The following CAMTA1 variants were observed in gnomAD, a reference collection of about 807,000 sequenced individuals.
The protein encoded by CAMTA1 is calmodulin binding transcription activator 1.
A neutral mutation model predicts 170.9 loss-of-function variants in CAMTA1; 27 were observed. The ratio of observed to expected loss-of-function variants is 0.16; its 90% CI spans 0.12 to 0.22. CAMTA1 has a LOEUF of 0.22. CAMTA1 is among the 10% of genes least tolerant of loss of function. CAMTA1 has a pLI of 1.00. For missense variants in CAMTA1, 1,619 were observed against 2,217.2 expected, an observed-to-expected ratio of 0.73 and a Z score of 5.42; for synonymous variants, 833 against 891.5, an observed-to-expected ratio of 0.93 and a Z score of 1.17.
chr1:7,765,951 C>T (rs1195582129), intron 22 of CAMTA1, among the ~76,000 whole-genome samples: 1 of 148,024 alleles, frequency 6.8e-6, no homozygotes, highest in Admixed American at 6.8e-5. Flanking sequence ...TGCGTGAACC[C>T]GGGAGGCGGA....
chr1:7,149,985 G>A (rs534470180), intron 4 of CAMTA1, among the ~76,000 whole-genome samples: 79 of 150,952 alleles, frequency 5.2e-4, no homozygotes, highest in African/African-American at 1.9e-3. Context: ...CACTGCTGGG[G>A]AAGGACTGCC....
At chr1:7,053,461 C>T (rs759786139) in intron 3 of CAMTA1, among the ~76,000 whole-genome samples, 33 of 152,328 alleles carry the variant, frequency 2.2e-4, no homozygotes, top group Middle Eastern at 3.4e-3. Flanking sequence ...ACCTTCTCCA[C>T]GTGGCCACCC....
intron 5 of CAMTA1, among the ~76,000 whole-genome samples, chr1:7,381,299 C>G (rs1179623726): frequency 7.7e-6 from 1 of 130,606 alleles, no homozygotes. Context: ...TGCTATCCCT[C>G]CCCCCTCCCC....
chr1:6,871,639 A>G (rs1668435179), intron 3 of CAMTA1: 1 of 762,954 alleles, frequency 1.3e-6, no homozygotes, highest in Non-Finnish European at 2.0e-6. Flanking sequence ...GTAAATAAAA[A>G]TGGCTCTACA....
intron 3 of CAMTA1, among the ~76,000 whole-genome samples, chr1:6,840,520 C>T (rs749268352): frequency 2.0e-5 from 3 of 152,206 alleles, no homozygotes; most frequent in East Asian, 1.9e-4. Flanking sequence ...TGCTGGGGCT[C>T]GTCAGTGAGA....
intron 1 of CAMTA1, among the ~76,000 whole-genome samples, chr1:6,799,211 G>A (rs927017821): frequency 6.6e-6 from 1 of 152,174 alleles, no homozygotes; most frequent in Non-Finnish European, 1.5e-5. Context: ...AGGACTACGG[G>A]CGTGTGCCAC....
chr1:7,129,949 G>GTC (rs1380583824), intron 4 of CAMTA1, among the ~76,000 whole-genome samples: 1 of 151,774 alleles, frequency 6.6e-6, no homozygotes, highest in African/African-American at 2.4e-5. Context: ...GTGTGTGTGT[G>GTC]TGTGTGAGAT....
intron 6 of CAMTA1, among the ~76,000 whole-genome samples, 187 bp downstream of exon 6, chr1:7,468,088 T>C (rs971644878): frequency 6.6e-6 from 1 of 152,206 alleles, no homozygotes; most frequent in Admixed American, 6.5e-5. Flanking sequence ...TGTTGTCATG[T>C]GTCAGGAAGG....
chr1:7,178,782 TTA>T (rs1651484732), intron 4 of CAMTA1, among the ~76,000 whole-genome samples: 1 of 152,300 alleles, frequency 6.6e-6, no homozygotes, highest in Middle Eastern at 3.4e-3. Context: ...TCAGCCTCCT[TTA>T]TAAAAAGTCT....
At chr1:7,304,999 A>C (rs1197893013) in intron 5 of CAMTA1, among the ~76,000 whole-genome samples, 1 of 152,034 alleles carries the variant, frequency 6.6e-6, no homozygotes, top group Non-Finnish European at 1.5e-5. Context: ...TAAATCTCTG[A>C]ATGATTTAGA....
intron 6 of CAMTA1, among the ~76,000 whole-genome samples, chr1:7,638,869 C>G (rs527314609): frequency 6.6e-6 from 1 of 152,278 alleles, no homozygotes; most frequent in African/African-American, 2.4e-5. Context: ...CTTACACAGG[C>G]CCCTGGGCAT....
chr1:6,926,576 TTCTC>T (rs201875610), intron 3 of CAMTA1, among the ~76,000 whole-genome samples: 1 of 131,682 alleles, frequency 7.6e-6, no homozygotes, highest in Non-Finnish European at 1.6e-5. Context: ...CTCTCTCTCC[TTCTC>T]TCTCTCCCTT....
At chr1:7,411,324 A>G (rs2090724769) in intron 5 of CAMTA1, among the ~76,000 whole-genome samples, 1 of 152,152 alleles carries the variant, frequency 6.6e-6, no homozygotes, top group Non-Finnish European at 1.5e-5. Context: ...AGGATGTTTC[A>G]GCGTCCTATA....
At chr1:7,429,478 C>T (rs550438515) in intron 5 of CAMTA1, among the ~76,000 whole-genome samples, 5 of 150,766 alleles carry the variant, frequency 3.3e-5, no homozygotes, top group East Asian at 2.0e-4. Context: ...AGTGATAATA[C>T]GGGTGATGAT....
chr1:6,785,962 TG>T (rs1333406273), intron 1 of CAMTA1, among the ~76,000 whole-genome samples: 5 of 149,396 alleles, frequency 3.3e-5, no homozygotes, highest in Admixed American at 6.6e-5. Context: ...CCCCCGGCGC[TG>T]GGTCCACGGT....
At chr1:7,290,682 C>T (rs899511979) in intron 5 of CAMTA1, among the ~76,000 whole-genome samples, 1 of 152,044 alleles carries the variant, frequency 6.6e-6, no homozygotes, top group African/African-American at 2.4e-5. Flanking sequence ...CTTGCTGCGA[C>T]GTAAATTATT....
Position 7,174,843 on chromosome 1 carries a change from G to A in CAMTA1, c.303-74648G>A, listed in dbSNP as rs528044477. 7.9e-5 allele frequency among the ~76,000 whole-genome samples: 12 copies of A among 152,318 alleles called. No individual in the cohort carries two copies. In the East Asian group the frequency reaches 1.7e-3, roughly 22 times the overall value. ...AGGCAGAGGTGCCCTGTCTGTCCTC[G>A]TCAGGCAGGCAGCTTGTGGGTCTGG... is the stretch of plus-strand genomic sequence containing the variant. On this transcript the variant is annotated intron_variant, in intron 4 of 22. Transcript: ENST00000303635.
chr1:7,450,525 A>T (rs938216129), intron 5 of CAMTA1, among the ~76,000 whole-genome samples: 4 of 152,222 alleles, frequency 2.6e-5, no homozygotes, highest in African/African-American at 9.6e-5. Flanking sequence ...CAGATGCAGA[A>T]GTAGAGACAG....
intron 3 of CAMTA1, among the ~76,000 whole-genome samples, chr1:6,935,322 G>A (rs1353353557): frequency 6.6e-6 from 1 of 151,978 alleles, no homozygotes. Flanking sequence ...GAGATTTCAC[G>A]TTAAAATGTG....
Sources: allele counts gnomAD v4.1 joint callset (sites outside exome capture counted in the v4.1 genomes callset), GRCh38; gene constraint gnomAD v4.1.1; transcripts MANE v1.5; gene names NCBI Gene and HGNC (gene_info 2026-07-23, HGNC 2026-07-21).